Variants in ELOVL4 observed in about 807,000 individuals in gnomAD.
ELOVL4 encodes the protein ELOVL fatty acid elongase 4, also known as very long chain fatty acid elongase 4.
ELOVL4 carries 18 observed loss-of-function variants against 42.1 expected under a neutral mutation model. The observed-to-expected ratio is 0.43, with a 90% confidence interval of 0.30 to 0.63. The LOEUF (loss-of-function observed/expected upper bound fraction) is 0.63. Ranked by LOEUF, ELOVL4 falls within the 30% of genes least tolerant of loss-of-function variation. The pLI is 0.15. For synonymous variants in ELOVL4, 117 were observed against 127.0 expected (o/e 0.92, Z 0.53); for missense variants, 299 against 376.2 (o/e 0.79, Z 1.70).
chr6:79,928,745 T>TG (rs1774393131), intron 1 of ELOVL4, among the ~76,000 whole-genome samples: 2 of 144,278 alleles, frequency 1.4e-5, no homozygotes, highest in African/African-American at 5.3e-5. Flanking sequence ...TTTTTTTTTT[T>TG]TTTTTTTTTT....
At chr6:79,941,067 GA>G (rs767881703) in intron 1 of ELOVL4, among the ~76,000 whole-genome samples, 2 of 152,052 alleles carry the variant, frequency 1.3e-5, no homozygotes, top group Admixed American at 1.3e-4. Context: ...AGTTTTGCTG[GA>G]AAAAAATTTT....
chr6:79,915,805 A>G lies in ELOVL4; in HGVS notation c.*803T>C, dbSNP rs542722575. 2.0e-5 allele frequency: 3 copies of G among 147,798 alleles called. No individual in the cohort carries two copies. The highest frequency in any genetic ancestry group is 4.5e-5 in the Non-Finnish European group (3 of 67,036). The allele number at this position is 147,798 out of a possible 1,614,324, so 9.2% of individuals were successfully genotyped here. On this transcript the variant is annotated 3_prime_UTR_variant, in exon 6 of 6. Coordinates refer to ENST00000369816, the MANE Select transcript of ELOVL4 (RefSeq NM_022726.4). ...ATGTAACTATCTTATGATGTTACTA[A>G]TAAAGACATGAGTTGTTTCATGTTT...
At position 79,926,684 on chromosome 6, in the gene ELOVL4, A is replaced by T. The variant is rs36067513; in HGVS notation, c.101-303T>A. ...ACAGAGGTGGTTATCTTGGGATGAAAAGTTAATGAAAAACTTCATACACAG... is the reference window on the plus strand; with the variant it reads ...ACAGAGGTGGTTATCTTGGGATGAATAGTTAATGAAAAACTTCATACACAG... On this transcript the variant is annotated intron_variant, in intron 1 of 5. Transcript: ENST00000369816. 0.15 allele frequency among the ~76,000 whole-genome samples: 22,727 copies of T among 152,198 alleles called. 1,916 individuals are homozygous for T. The highest frequency in any genetic ancestry group is 0.36 in the South Asian group (1,720 of 4,828).
chr6:79,936,904 G>T (rs907846471), intron 1 of ELOVL4, among the ~76,000 whole-genome samples: 1 of 152,216 alleles, frequency 6.6e-6, no homozygotes, highest in African/African-American at 2.4e-5. Context: ...TTCCTGTATA[G>T]TCAGCATGAT....
chr6:79,926,474 C>A, intron 1 of ELOVL4, 93 bp from the exon 2 acceptor site: 1 of 1,250,362 alleles, frequency 8.0e-7, no homozygotes, highest in Middle Eastern at 2.0e-4. Flanking sequence ...AACTTAATTT[C>A]CTAATTTGAC....
chr6:79,923,464 T>G (rs1227279331), intron 3 of ELOVL4, among the ~76,000 whole-genome samples: 5 of 152,206 alleles, frequency 3.3e-5, no homozygotes, highest in African/African-American at 4.8e-5. Flanking sequence ...TTTCTATGCA[T>G]ACTCCCAGAA....
intron 1 of ELOVL4, among the ~76,000 whole-genome samples, chr6:79,940,358 A>G (rs1774626067): frequency 6.6e-6 from 1 of 152,220 alleles, no homozygotes; most frequent in Non-Finnish European, 1.5e-5. Context: ...AATATATGGC[A>G]AAAGATTTTA....
chr6:79,940,908 A>C (rs1774634481), intron 1 of ELOVL4, among the ~76,000 whole-genome samples: 1 of 152,202 alleles, frequency 6.6e-6, no homozygotes, highest in Non-Finnish European at 1.5e-5. Flanking sequence ...TACAGCAACA[A>C]AAGCAATGTT....
chr6:79,924,160 G>A (rs536452555), intron 3 of ELOVL4, among the ~76,000 whole-genome samples: 3 of 152,110 alleles, frequency 2.0e-5, no homozygotes, highest in Non-Finnish European at 2.9e-5. Context: ...ATAACATCTT[G>A]TTACTAGTGT....
chr6:79,932,493 T>A (rs1282281139), intron 1 of ELOVL4, among the ~76,000 whole-genome samples: 1 of 150,154 alleles, frequency 6.7e-6, no homozygotes, highest in Non-Finnish European at 1.5e-5. Flanking sequence ...TGGAGTGAAC[T>A]GGAATCACGC....
At chr6:79,921,343 C>A (rs1269927540) in intron 4 of ELOVL4, among the ~76,000 whole-genome samples, 1 of 151,060 alleles carries the variant, frequency 6.6e-6, no homozygotes, top group Non-Finnish European at 1.5e-5. Flanking sequence ...TGCCTGTAGT[C>A]CCAGCTACTC....
At chr6:79,917,076 C>T (rs545478998) in intron 5 of ELOVL4, among the ~76,000 whole-genome samples, 193 bp from the exon 6 acceptor site, 1 of 152,184 alleles carries the variant, frequency 6.6e-6, no homozygotes, top group Non-Finnish European at 1.5e-5. Context: ...GACTCTCTGA[C>T]AAGACTTCAA....
intron 1 of ELOVL4, among the ~76,000 whole-genome samples, chr6:79,932,832 T>A (rs975337127): frequency 1.3e-5 from 2 of 148,986 alleles, no homozygotes; most frequent in Non-Finnish European, 2.9e-5. Flanking sequence ...GAGGAGTGTC[T>A]TATGAACAGT....
chr6:79,935,576 C>G (rs1223248536), intron 1 of ELOVL4, among the ~76,000 whole-genome samples: 1 of 152,030 alleles, frequency 6.6e-6, no homozygotes, highest in African/African-American at 2.4e-5. Context: ...TGATGATGAA[C>G]CTGAAACTCA....
rs1257108532 is a variant in ELOVL4, at chr6:79,936,352, T to C, written c.101-9971A>G. 3.3e-5 allele frequency among the ~76,000 whole-genome samples: 5 copies of C among 152,082 alleles called. No homozygotes were observed. In the East Asian group the frequency reaches 7.7e-4, roughly 23 times the overall value. ...ATCTGGCTACTGATCACCACTAATA[T>C]ACTAAGTGATATTAAAAATCCATTT... is the stretch of plus-strand genomic sequence containing the variant. On this transcript the variant is annotated intron_variant, in intron 1 of 5. Coordinates refer to ENST00000369816, the MANE Select transcript of ELOVL4 (RefSeq NM_022726.4).
chr6:79,945,079 C>T lies in ELOVL4; in HGVS notation c.100+2101G>A, dbSNP rs147520230. Among the ~76,000 whole-genome samples the T allele has an allele frequency of 4.3e-3, 649 of 151,364 alleles. 2 individuals are homozygous for T. Among genetic ancestry groups the T allele is most frequent in the Non-Finnish European group, 7.3e-3 (499 of 67,914 alleles). On this transcript the variant is annotated intron_variant, in intron 1 of 5. Coordinates refer to ENST00000369816, the MANE Select transcript of ELOVL4 (RefSeq NM_022726.4). ...GGACACCACAGACTTCAGGTCTATT[C>T]GGCCTGGACCTGAAAAATACTCCTC... is the stretch of plus-strand genomic sequence containing the variant.
rs770473003 is a variant in ELOVL4 at position 79,926,211 on chromosome 6, G to A, written c.271C>T (p.Leu91Phe). ...AAACATACCTCTCTGAAGATAAAGAGGTTAAGCAAAACCATCCCAAAATTA... is the reference window on the plus strand; with the variant it reads ...AAACATACCTCTCTGAAGATAAAGAAGTTAAGCAAAACCATCCCAAAATTA... The part of the protein sequence containing the change: ...IYNFGMVLLN[L>F]FIFRELFMGS... The change falls in exon 2 of 6, where the codon CTC (leucine) becomes TTC (phenylalanine). Residue 91 changes from leucine (L) to phenylalanine (F), a missense_variant. Coordinates refer to ENST00000369816, the MANE Select transcript of ELOVL4 (RefSeq NM_022726.4). 31 of 1,613,476 alleles carry A rather than the reference G, an allele frequency of 1.9e-5. No homozygotes were observed. The South Asian group carries it at 3.3e-4, about 17-fold the overall frequency.
In ELOVL4 at chr6:79,924,946, A is replaced by T. The variant is rs1191352709; in HGVS notation, c.369+6T>A. 6.4e-7 allele frequency: 1 copy of T among 1,570,096 alleles called. No individual in the cohort carries two copies. Among genetic ancestry groups the T allele is most frequent in the Admixed American group, 1.7e-5 (1 of 59,954 alleles). ...TACTGATTAAGAGTATTTTTAATGT[A>T]CTTACCCTGACTTCATGAACATTAT... On this transcript the variant is annotated splice_donor_region_variant and intron_variant, in intron 3 of 5. Transcript: ENST00000369816.
At chr6:79,933,810 G>A (rs1219331549) in intron 1 of ELOVL4, among the ~76,000 whole-genome samples, 1 of 152,200 alleles carries the variant, frequency 6.6e-6, no homozygotes, top group Non-Finnish European at 1.5e-5. Context: ...AAGAGATGAT[G>A]GAAACCTGGG....
Sources: allele counts gnomAD v4.1 joint callset (sites outside exome capture counted in the v4.1 genomes callset), GRCh38; gene constraint gnomAD v4.1.1; transcripts MANE v1.5; gene names NCBI Gene and HGNC (gene_info 2026-07-23, HGNC 2026-07-21).